PASD1: variants seen among roughly 807,000 people sequenced by gnomAD.
The protein encoded by PASD1 is PAS domain containing repressor 1.
Under a neutral mutation model 58.8 loss-of-function variants are expected in PASD1, and 13 were observed. That is an observed-to-expected ratio of 0.22 (90% CI 0.14 to 0.35). PASD1 has a LOEUF of 0.35. Ranked by LOEUF, PASD1 falls within the 10% of genes least tolerant of loss-of-function variation. The pLI, the probability that PASD1 is intolerant of heterozygous loss-of-function variation, is 1.00. For missense variants in PASD1, 734 were observed against 568.3 expected, an observed-to-expected ratio of 1.29 and a Z score of -2.96; for synonymous variants, 236 against 216.7, an observed-to-expected ratio of 1.09 and a Z score of -0.78.
At chrX:151,624,986 T>G (rs959145162) in intron 7 of PASD1, among the ~76,000 whole-genome samples, 2 of 112,037 alleles carry the variant, frequency 1.8e-5, no homozygotes. Context: ...ACTACTTCCT[T>G]TTCTGAGAAA....
chrX:151,653,194 ATAT>A (rs1198295239), intron 9 of PASD1, among the ~76,000 whole-genome samples: 1 of 89,323 alleles, frequency 1.1e-5, no homozygotes, highest in Non-Finnish European at 2.4e-5. Context: ...ATATATATAT[ATAT>A]TTTTTTTTTT....
At chrX:151,591,250 A>G (rs147495952) in intron 1 of PASD1, among the ~76,000 whole-genome samples, 1,541 of 112,113 alleles carry the variant, frequency 0.014, 25 homozygotes, top group African/African-American at 0.047. Context: ...CAGAGAGCCA[A>G]TGATGAATTA....
At chrX:151,669,864 G>C (rs2014441656) in intron 11 of PASD1, among the ~76,000 whole-genome samples, 1 of 111,940 alleles carries the variant, frequency 8.9e-6, no homozygotes, top group Admixed American at 9.5e-5. Context: ...TGGGAGTGCA[G>C]ATACCTTTTT....
chrX:151,637,618 C>T (rs1286662422), intron 8 of PASD1, among the ~76,000 whole-genome samples: 1 of 111,394 alleles, frequency 9.0e-6, no homozygotes, highest in African/African-American at 3.3e-5. Flanking sequence ...CTGCCCGCCT[C>T]GGCCTCCCAA....
At chrX:151,626,017 A>AT (rs1174182020) in intron 8 of PASD1, among the ~76,000 whole-genome samples, 2 of 111,419 alleles carry the variant, frequency 1.8e-5, no homozygotes, top group Admixed American at 1.9e-4. Flanking sequence ...TATAATTCAC[A>AT]TTTTTCCAAC....
At chrX:151,639,768 C>T (rs767436408) in intron 8 of PASD1, among the ~76,000 whole-genome samples, 1 of 111,681 alleles carries the variant, frequency 9.0e-6, no homozygotes, top group African/African-American at 3.3e-5. Flanking sequence ...TTGTGTCTCC[C>T]TCAGTACACA....
chrX:151,636,706 T>C (rs2013935412), intron 8 of PASD1, among the ~76,000 whole-genome samples: 2 of 112,300 alleles, frequency 1.8e-5, no homozygotes, highest in Non-Finnish European at 3.8e-5. Context: ...GCCCAGCCTG[T>C]ATTTTCATTT....
At chrX:151,585,920 A>G (rs1218668961) in intron 1 of PASD1, among the ~76,000 whole-genome samples, 1 of 111,691 alleles carries the variant, frequency 9.0e-6, no homozygotes, top group Non-Finnish European at 1.9e-5. Flanking sequence ...GTTGATAAAT[A>G]AGGGAGGGAA....
intron 1 of PASD1, among the ~76,000 whole-genome samples, chrX:151,595,490 G>A (rs1425970018): frequency 2.7e-5 from 3 of 110,585 alleles, no homozygotes; most frequent in Admixed American, 9.6e-5. Context: ...AGGCTGAGGC[G>A]GGCGGATCAC....
chrX:151,622,561 CT>C (rs2013726459), intron 6 of PASD1, among the ~76,000 whole-genome samples: 2 of 102,140 alleles, frequency 2.0e-5, no homozygotes, highest in Admixed American at 1.1e-4. Context: ...TTGAAAAAAT[CT>C]TACTTGACTC....
At chrX:151,606,569 TTAA>T (rs1302568441) in intron 3 of PASD1, among the ~76,000 whole-genome samples, 7 of 110,995 alleles carry the variant, frequency 6.3e-5, no homozygotes, top group Non-Finnish European at 9.4e-5. Flanking sequence ...TATGATTAAC[TTAA>T]TAATGATGTT....
rs2013462934 is a variant in PASD1, at chrX:151,604,663, A to T, written c.46A>T (p.Ser16Cys). ...EKRRDKVNPK[S>C]SQRKLNWIPS... Reference sequence around the variant, plus strand: ...CTAAAAAGACAAAGTCAATCCAAAAAGCTCTCAAAGGAAATTAAACTGGAT... The same window carrying T: ...CTAAAAAGACAAAGTCAATCCAAAATGCTCTCAAAGGAAATTAAACTGGAT... The change falls in exon 3 of 16, where the codon AGC becomes TGC. Residue 16 changes from serine to cysteine, a missense_variant. Coordinates refer to ENST00000370357, the MANE Select transcript of PASD1 (RefSeq NM_173493.3). 8 of 1,205,123 alleles carry T rather than the reference A, an allele frequency of 6.6e-6. No individual in the cohort carries two copies. Among genetic ancestry groups the T allele is most frequent in the Non-Finnish European group, 9.0e-6 (8 of 890,774 alleles).
At chrX:151,607,013 C>T (rs1032927302) in intron 3 of PASD1, among the ~76,000 whole-genome samples, 1 of 111,280 alleles carries the variant, frequency 9.0e-6, no homozygotes, top group Non-Finnish European at 1.9e-5. Context: ...CAGGTGACAC[C>T]GAGCTTAAGA....
intron 9 of PASD1, among the ~76,000 whole-genome samples, chrX:151,654,626 T>A (rs1389658801): frequency 1.8e-5 from 2 of 112,020 alleles, no homozygotes; most frequent in African/African-American, 6.5e-5. Context: ...CTACTGCTGA[T>A]AGATTACATA....
At chrX:151,621,062 G>A in intron 5 of PASD1, 33 bp downstream of exon 5, 12 of 973,279 alleles carry the variant, frequency 1.2e-5, no homozygotes, top group Non-Finnish European at 1.7e-5. Context: ...TAAATTCTTA[G>A]GTTTTAAGGG....
chrX:151,625,725 C>T (rs779112938), intron 8 of PASD1, among the ~76,000 whole-genome samples, 195 bp downstream of exon 8: 59 of 111,617 alleles, frequency 5.3e-4, no homozygotes, highest in Non-Finnish European at 8.3e-4. Flanking sequence ...AGGAGGATCC[C>T]CTGAGCCCAA....
intron 11 of PASD1, among the ~76,000 whole-genome samples, chrX:151,669,450 G>A (rs1283020595): frequency 9.1e-6 from 1 of 110,384 alleles, no homozygotes; most frequent in African/African-American, 3.3e-5. Flanking sequence ...ACAATAGATT[G>A]TTTTAACTCT....
intron 11 of PASD1, 131 bp downstream of exon 11, chrX:151,664,479 C>A: frequency 9.5e-7 from 1 of 1,050,297 alleles, no homozygotes; most frequent in Non-Finnish European, 1.3e-6. Context: ...AAAACTATAT[C>A]ACTATTTCTG....
chrX:151,671,354 G>C (rs2014466489), intron 12 of PASD1, among the ~76,000 whole-genome samples, 158 bp downstream of exon 12: 1 of 112,204 alleles, frequency 8.9e-6, no homozygotes, highest in East Asian at 2.8e-4. Flanking sequence ...TATCTAATGT[G>C]ATCTCCAGCA....
Sources: gnomAD v4.1 joint callset for allele counts (sites outside exome capture counted in the v4.1 genomes callset) on GRCh38, gnomAD v4.1.1 for gene constraint, MANE v1.5 for transcripts, NCBI Gene and HGNC (gene_info 2026-07-23, HGNC 2026-07-21) for gene names.